AMPD3: variants seen among roughly 807,000 people sequenced by gnomAD.
The protein encoded by AMPD3 is adenosine monophosphate deaminase 3.
AMPD3 carries 57 observed loss-of-function variants against 82.3 expected under a neutral mutation model. The observed-to-expected ratio is 0.69, with a 90% confidence interval of 0.56 to 0.86. The LOEUF is 0.86. Among genes scored for constraint, AMPD3 ranks in the 40% least tolerant of loss-of-function variants. The pLI, the probability that AMPD3 is intolerant of heterozygous loss-of-function variation, is 0.00. For missense variants in AMPD3, 870 were observed against 1,003.8 expected (o/e 0.87, Z 1.80); for synonymous variants, 381 against 394.7 (o/e 0.97, Z 0.41).
At chr11:10,458,054 G>A (rs1335196969) in intron 1 of AMPD3, among the ~76,000 whole-genome samples, 1 of 152,114 alleles carries the variant, frequency 6.6e-6, no homozygotes, top group African/African-American at 2.4e-5. Flanking sequence ...AGGGCATGAA[G>A]GAGGTAGGAA....
At chr11:10,495,802 G>C (rs1849380840) in intron 9 of AMPD3, 69 bp downstream of exon 9, 2 of 1,591,748 alleles carry the variant, frequency 1.3e-6, no homozygotes, top group Admixed American at 3.4e-5. Context: ...ATGGGCTGCT[G>C]AGTCTGCACT....
At chr11:10,455,910 A>G (rs1848079273) in intron 1 of AMPD3, 1 of 985,306 alleles carries the variant, frequency 1.0e-6, no homozygotes, top group Admixed American at 6.1e-5. Context: ...AAGCACGTTC[A>G]GAACGGAAGC....
intron 10 of AMPD3, among the ~76,000 whole-genome samples, chr11:10,499,090 C>G (rs1238604648): frequency 6.8e-6 from 1 of 146,560 alleles, no homozygotes; most frequent in Non-Finnish European, 1.5e-5. Flanking sequence ...CTTAGCCCAG[C>G]AAGGACCCTC....
intron 2 of AMPD3, among the ~76,000 whole-genome samples, chr11:10,475,361 G>A (rs1361442589): frequency 3.9e-5 from 6 of 152,060 alleles, no homozygotes; most frequent in East Asian, 3.9e-4. Context: ...CTCCAACACC[G>A]GGGATTAACA....
chr11:10,451,077 G>C, upstream of AMPD3: 1 of 1,561,768 alleles, frequency 6.4e-7, no homozygotes, highest in Non-Finnish European at 8.6e-7. Context: ...GCTGACCTTG[G>C]GCCAGCCCCG....
chr11:10,451,332 G>C (rs1004727358), upstream of AMPD3, among the ~76,000 whole-genome samples: 1 of 152,262 alleles, frequency 6.6e-6, no homozygotes, highest in African/African-American at 2.4e-5. Flanking sequence ...GAAATTAAGG[G>C]ACCTGGGACT....
At chr11:10,489,980 C>T (rs536105983) in intron 6 of AMPD3, among the ~76,000 whole-genome samples, 1 of 152,318 alleles carries the variant, frequency 6.6e-6, no homozygotes, top group African/African-American at 2.4e-5. Flanking sequence ...CACACCTGGC[C>T]TTGATAGCAC....
chr11:10,480,352 A>T (rs538208012), intron 3 of AMPD3, among the ~76,000 whole-genome samples: 1 of 152,318 alleles, frequency 6.6e-6, no homozygotes, highest in African/African-American at 2.4e-5. Flanking sequence ...CGTTGTTGGC[A>T]GGGACATATT....
At chr11:10,464,623 A>G (rs1043648460) in intron 2 of AMPD3, among the ~76,000 whole-genome samples, 3 of 152,174 alleles carry the variant, frequency 2.0e-5, no homozygotes, top group African/African-American at 7.2e-5. Flanking sequence ...CCTGAAAAAA[A>G]GCTTGGTCCC....
chr11:10,493,197 G>A, intron 6 of AMPD3, 152 bp from the exon 7 acceptor site: 2 of 874,172 alleles, frequency 2.3e-6, no homozygotes, highest in Admixed American at 1.7e-5. Context: ...GAAGTCTGGA[G>A]GAGAAATGGG....
chr11:10,450,964 C>G, upstream of AMPD3: 1 of 1,521,670 alleles, frequency 6.6e-7, no homozygotes, highest in Non-Finnish European at 8.8e-7. Context: ...CCCCGCTCCG[C>G]TCTGCCCAGC....
At position 10,478,440 on chromosome 11, in the gene AMPD3, C is replaced by T. The variant is rs932508332; in HGVS notation, c.222-86C>T. The stretch of plus-strand genomic sequence containing the variant: ...CAGTGATTAATCATAGCAAAATTCT[C>T]CTGCCACGCACACAGCAAAGAGTCT... On this transcript the variant is annotated intron_variant, in intron 2 of 14. Transcript: ENST00000396553. The T allele has an allele frequency of 5.7e-6, 9 of 1,586,836 alleles. No homozygotes were observed. In the African/African-American group the frequency reaches 1.2e-4, roughly 21 times the overall value.
upstream of AMPD3, among the ~76,000 whole-genome samples, chr11:10,451,870 C>T (rs762250554): frequency 1.2e-4 from 18 of 152,210 alleles, no homozygotes; most frequent in Admixed American, 5.9e-4. Flanking sequence ...CCTGGCTGTG[C>T]AGCACTAAGG....
At chr11:10,460,109 T>C (rs886985877) in intron 1 of AMPD3, among the ~76,000 whole-genome samples, 6 of 147,406 alleles carry the variant, frequency 4.1e-5, no homozygotes, top group African/African-American at 1.5e-4. Context: ...ATTTTATTTT[T>C]AAAATTGAGA....
At chr11:10,495,825 G>A in intron 9 of AMPD3, 92 bp downstream of exon 9, 1 of 1,510,690 alleles carries the variant, frequency 6.6e-7, no homozygotes, top group Non-Finnish European at 9.1e-7. Flanking sequence ...TGAGGGGTAG[G>A]GCCTGTTCTG....
intron 10 of AMPD3, chr11:10,499,392 T>C (rs986221564): frequency 1.3e-5 from 2 of 152,906 alleles, no homozygotes; most frequent in Admixed American, 6.5e-5. Context: ...TTTTGTATTT[T>C]TTTTTACTAG....
rs1244971378 is a variant in AMPD3, at chr11:10,501,603, C to T, written c.1842+13C>T. 1.7e-5 allele frequency: 27 copies of T among 1,614,062 alleles called. No homozygotes were observed. Among genetic ancestry groups the T allele is most frequent in the East Asian group, 4.5e-5 (2 of 44,890 alleles). ...GCTCCTCAAGAAGGTAACCAGGTCACTCTCGGGAGCCCGTCCTGAGTGACT... is the reference window on the plus strand; with the variant it reads ...GCTCCTCAAGAAGGTAACCAGGTCATTCTCGGGAGCCCGTCCTGAGTGACT... On this transcript the variant is annotated intron_variant, in intron 12 of 14. Transcript: ENST00000396553.
intron 1 of AMPD3, among the ~76,000 whole-genome samples, chr11:10,460,185 C>T (rs1848225667): frequency 6.6e-6 from 1 of 151,162 alleles, no homozygotes; most frequent in South Asian, 2.1e-4. Flanking sequence ...GCAGCCTCAA[C>T]CTCCCTGGCT....
chr11:10,473,680 C>T (rs1442051795), intron 2 of AMPD3: 2 of 822,958 alleles, frequency 2.4e-6, no homozygotes, highest in Non-Finnish European at 2.9e-6. Context: ...TTATAGTGCC[C>T]ATCGTGCAGC....
Sources: allele counts gnomAD v4.1 joint callset (sites outside exome capture counted in the v4.1 genomes callset), GRCh38; gene constraint gnomAD v4.1.1; transcripts MANE v1.5; gene names NCBI Gene and HGNC (gene_info 2026-07-23, HGNC 2026-07-21).